The following KPNA4 variants were observed in gnomAD, a reference collection of about 807,000 sequenced individuals.
KPNA4 encodes karyopherin subunit alpha 4.
In KPNA4, 13 loss-of-function variants were observed where a neutral mutation model predicts 71.3. The observed-to-expected ratio is 0.18, with a 90% CI of 0.12 to 0.29. KPNA4 has a LOEUF of 0.29. Among genes scored for constraint, KPNA4 ranks in the 10% least tolerant of loss-of-function variants. KPNA4 has a pLI of 1.00. For missense variants in KPNA4, 334 were observed against 603.2 expected (o/e 0.55, Z 4.67); for synonymous variants, 189 against 195.2 (o/e 0.97, Z 0.26).
chr3:160,526,965 T>A (rs1389221171), intron 8 of KPNA4, among the ~76,000 whole-genome samples: 1 of 152,304 alleles, frequency 6.6e-6, no homozygotes, highest in Non-Finnish European at 1.5e-5. Context: ...TTCCTAATAG[T>A]ATAAACCCAA....
chr3:160,556,731 C>T (rs775670111), intron 1 of KPNA4, among the ~76,000 whole-genome samples: 24 of 151,988 alleles, frequency 1.6e-4, no homozygotes, highest in East Asian at 1.9e-4. Context: ...TGGATTTGGA[C>T]GCTCAACCTG....
Position 160,522,527 on chromosome 3 carries a change from G to A in KPNA4, c.772-617C>T, listed in dbSNP as rs150473403. Among the ~76,000 whole-genome samples the A allele has an allele frequency of 1.3e-3, 198 of 151,898 alleles. 1 individual carries two copies. The highest frequency in any genetic ancestry group is 4.5e-3 in the African/African-American group (187 of 41,408). ...GGCTGGAGTGCAGCAGCGCGATCTC[G>A]GTTCACTGCAAGCTCCGCCTCCCGG... On this transcript the variant is annotated intron_variant, in intron 10 of 16. Transcript: ENST00000334256.
At chr3:160,564,186 TG>T (rs1395868475) in intron 1 of KPNA4, 2 of 152,202 alleles carry the variant, frequency 1.3e-5, no homozygotes, top group African/African-American at 4.8e-5. Flanking sequence ...AAAATCTCAG[TG>T]GGGTGTGTGG....
chr3:160,557,024 T>A (rs752278069), intron 1 of KPNA4, among the ~76,000 whole-genome samples: 7 of 152,124 alleles, frequency 4.6e-5, no homozygotes, highest in Non-Finnish European at 5.9e-5. Context: ...CTATACTGCC[T>A]AGGATGGTCT....
At chr3:160,514,289 A>G in intron 12 of KPNA4, 108 bp from the exon 13 acceptor site, 1 of 684,402 alleles carries the variant, frequency 1.5e-6, no homozygotes, top group South Asian at 2.0e-5. Flanking sequence ...CTACGAAATG[A>G]GCTCCATAAT....
chr3:160,512,299 C>G (rs966581105), intron 13 of KPNA4, among the ~76,000 whole-genome samples: 1 of 152,038 alleles, frequency 6.6e-6, no homozygotes, highest in African/African-American at 2.4e-5. Flanking sequence ...ATAAAAGATA[C>G]AGGTCACCAA....
rs770879710 is a variant in KPNA4 at position 160,514,201 on chromosome 3, G to T, written c.1033-20C>A. 5 of 1,534,848 alleles carry T rather than the reference G, an allele frequency of 3.3e-6. No homozygotes were observed. Among genetic ancestry groups the T allele is most frequent in the South Asian group, 1.2e-5 (1 of 81,854 alleles). The stretch of plus-strand genomic sequence containing the variant: ...TGCTTCCTGTAGAACAAGAGCATTT[G>T]AATATTTCTCATTAAAAAATAAAAT... On this transcript the variant is annotated intron_variant, in intron 12 of 16. Coordinates refer to ENST00000334256, the MANE Select transcript of KPNA4 (RefSeq NM_002268.5).
chr3:160,538,678 C>T (rs1182729312), intron 1 of KPNA4, among the ~76,000 whole-genome samples: 1 of 152,110 alleles, frequency 6.6e-6, no homozygotes, highest in Non-Finnish European at 1.5e-5. Context: ...TCAAATCTTC[C>T]CACCTCATTC....
intron 1 of KPNA4, among the ~76,000 whole-genome samples, chr3:160,544,176 C>T (rs1721861050): frequency 6.6e-6 from 1 of 151,866 alleles, no homozygotes; most frequent in African/African-American, 2.4e-5. Context: ...CTTTCAATAG[C>T]TAGTTTTGGT....
intron 1 of KPNA4, among the ~76,000 whole-genome samples, chr3:160,554,947 T>G (rs1310731855): frequency 6.6e-6 from 1 of 152,220 alleles, no homozygotes; most frequent in Non-Finnish European, 1.5e-5. Context: ...AGCAAGCTAA[T>G]TGAACCCAAG....
At chr3:160,559,784 C>T (rs1180931501) in intron 1 of KPNA4, among the ~76,000 whole-genome samples, 1 of 152,064 alleles carries the variant, frequency 6.6e-6, no homozygotes, top group Non-Finnish European at 1.5e-5. Context: ...TCACAAAAGA[C>T]TGAATGCAGA....
At chr3:160,547,770 T>TA (rs1325196545) in intron 1 of KPNA4, among the ~76,000 whole-genome samples, 1 of 152,234 alleles carries the variant, frequency 6.6e-6, no homozygotes, top group Non-Finnish European at 1.5e-5. Context: ...ACTGTCTCTA[T>TA]AGTTTTGCCT....
chr3:160,518,321 G>A (rs1245276827), intron 11 of KPNA4, among the ~76,000 whole-genome samples: 3 of 150,790 alleles, frequency 2.0e-5, no homozygotes, highest in East Asian at 4.0e-4. Flanking sequence ...ATTTTTAGTA[G>A]AGACGGGGTT....
intron 1 of KPNA4, among the ~76,000 whole-genome samples, chr3:160,557,548 T>C (rs562621378): frequency 1.2e-4 from 18 of 152,318 alleles, no homozygotes; most frequent in African/African-American, 3.8e-4. Flanking sequence ...TTTGTCAAAA[T>C]ACATCATTAG....
chr3:160,512,841 A>G (rs1249714017), intron 13 of KPNA4, among the ~76,000 whole-genome samples: 1 of 152,160 alleles, frequency 6.6e-6, no homozygotes, highest in Non-Finnish European at 1.5e-5. Flanking sequence ...AAAAACAACA[A>G]AACAAAAAAC....
intron 12 of KPNA4, 134 bp from the exon 13 acceptor site, chr3:160,514,315 C>T: frequency 1.7e-6 from 1 of 586,292 alleles, no homozygotes; most frequent in Non-Finnish European, 2.8e-6. Flanking sequence ...TCTCAGGAAT[C>T]TCAATTCCTT....
At chr3:160,516,025 C>T (rs936787217) in intron 11 of KPNA4, among the ~76,000 whole-genome samples, 14 of 152,180 alleles carry the variant, frequency 9.2e-5, no homozygotes, top group African/African-American at 3.1e-4. Context: ...CTCACTCTGT[C>T]GCCCAGGCTG....
chr3:160,510,155 T>C (rs1475172043), intron 13 of KPNA4, among the ~76,000 whole-genome samples: 1 of 152,062 alleles, frequency 6.6e-6, no homozygotes, highest in East Asian at 1.9e-4. Flanking sequence ...ATAAAAATAG[T>C]AAAGAAAAAA....
At chr3:160,539,561 A>C (rs1212462323) in intron 1 of KPNA4, among the ~76,000 whole-genome samples, 1 of 152,216 alleles carries the variant, frequency 6.6e-6, no homozygotes, top group Non-Finnish European at 1.5e-5. Flanking sequence ...AGTTCAAGTG[A>C]ATTGGAGAGC....
Sources: allele counts gnomAD v4.1 joint callset (sites outside exome capture counted in the v4.1 genomes callset), GRCh38; gene constraint gnomAD v4.1.1; transcripts MANE v1.5; gene names NCBI Gene and HGNC (gene_info 2026-07-23, HGNC 2026-07-21).